PRKCE: variants seen among roughly 807,000 people sequenced by gnomAD.
PRKCE encodes protein kinase C epsilon type.
In PRKCE, 16 loss-of-function variants were observed where a neutral mutation model predicts 85.4. The observed-to-expected ratio is 0.19, with a 90% CI of 0.13 to 0.28. PRKCE has a LOEUF of 0.28. Ranked by LOEUF, PRKCE falls within the 10% of genes least tolerant of loss-of-function variation. The pLI is 1.00. For missense variants in PRKCE, 573 were observed against 975.2 expected (o/e 0.59, Z 5.49); for synonymous variants, 388 against 371.5 (o/e 1.04, Z -0.51).
At chr2:45,681,076 A>G (rs957288315) in intron 1 of PRKCE, among the ~76,000 whole-genome samples, 3 of 151,982 alleles carry the variant, frequency 2.0e-5, no homozygotes, top group Admixed American at 6.5e-5. Context: ...GGATCATGAG[A>G]TAAGGAGTTC....
intron 10 of PRKCE, among the ~76,000 whole-genome samples, chr2:46,072,115 T>C (rs1020281498): frequency 6.6e-6 from 1 of 152,346 alleles, no homozygotes; most frequent in Middle Eastern, 3.4e-3. Flanking sequence ...AATGGAAATA[T>C]GGAGATCAAA....
At chr2:46,067,519 G>A (rs754666019) in intron 10 of PRKCE, among the ~76,000 whole-genome samples, 1 of 152,164 alleles carries the variant, frequency 6.6e-6, no homozygotes, top group Admixed American at 6.5e-5. Context: ...CACATGTTTG[G>A]TGCGTATTCA....
intron 10 of PRKCE, among the ~76,000 whole-genome samples, chr2:46,081,324 C>CT (rs971078439): frequency 6.6e-6 from 1 of 152,148 alleles, no homozygotes; most frequent in African/African-American, 2.4e-5. Context: ...GCCCCCTAAC[C>CT]TTTTTTGTTC....
intron 14 of PRKCE, among the ~76,000 whole-genome samples, chr2:46,177,564 A>T (rs188520261): frequency 6.6e-6 from 1 of 152,084 alleles, no homozygotes; most frequent in African/African-American, 2.4e-5. Context: ...CCCTCTGTGC[A>T]TGTCTGTCTC....
chr2:45,830,684 TAG>T (rs1690351442), intron 1 of PRKCE, among the ~76,000 whole-genome samples: 5 of 151,858 alleles, frequency 3.3e-5, no homozygotes, highest in African/African-American at 1.2e-4. Flanking sequence ...TTTAGAATAC[TAG>T]GATAAAGAAG....
chr2:46,177,507 T>C (rs1040805579), intron 14 of PRKCE, among the ~76,000 whole-genome samples: 28 of 152,182 alleles, frequency 1.8e-4, no homozygotes, highest in African/African-American at 5.6e-4. Flanking sequence ...TTTCACTGGC[T>C]CGTGCCACAC....
chr2:45,983,136 G>T (rs1364506284), intron 5 of PRKCE, among the ~76,000 whole-genome samples: 1 of 152,234 alleles, frequency 6.6e-6, no homozygotes, highest in African/African-American at 2.4e-5. Flanking sequence ...GACCTCAAGT[G>T]GTAGACCATC....
At chr2:45,655,071 C>G (rs1013652833) in intron 1 of PRKCE, among the ~76,000 whole-genome samples, 2 of 152,190 alleles carry the variant, frequency 1.3e-5, no homozygotes, top group South Asian at 4.1e-4. Flanking sequence ...TTGCGGAACA[C>G]CGAATTCTGC....
At chr2:45,986,843 T>G (rs1488594540) in intron 6 of PRKCE, among the ~76,000 whole-genome samples, 1 of 151,988 alleles carries the variant, frequency 6.6e-6, no homozygotes, top group Non-Finnish European at 1.5e-5. Context: ...CTTTCTAGTG[T>G]GTGACCCTGA....
At chr2:45,808,190 T>G (rs895875980) in intron 1 of PRKCE, among the ~76,000 whole-genome samples, 2 of 152,140 alleles carry the variant, frequency 1.3e-5, no homozygotes, top group Non-Finnish European at 2.9e-5. Context: ...AGTGTCTGGT[T>G]GGCAAGCACC....
chr2:45,960,971 C>A (rs2104419363), intron 2 of PRKCE, among the ~76,000 whole-genome samples: 1 of 152,288 alleles, frequency 6.6e-6, no homozygotes, highest in East Asian at 1.9e-4. Flanking sequence ...GGTTGAAAGC[C>A]TGGCACTAAG....
chr2:45,877,216 C>CT (rs1694545181), intron 2 of PRKCE, among the ~76,000 whole-genome samples: 1 of 152,126 alleles, frequency 6.6e-6, no homozygotes. Flanking sequence ...ATCTGTTACT[C>CT]TTTTAAAGAT....
At chr2:45,930,799 G>A (rs1348327151) in intron 2 of PRKCE, among the ~76,000 whole-genome samples, 1 of 152,160 alleles carries the variant, frequency 6.6e-6, no homozygotes, top group Non-Finnish European at 1.5e-5. Context: ...CTAAGAGTTG[G>A]CTTTAGGAAG....
At chr2:45,664,180 G>C (rs1329682694) in intron 1 of PRKCE, among the ~76,000 whole-genome samples, 1 of 152,188 alleles carries the variant, frequency 6.6e-6, no homozygotes, top group Non-Finnish European at 1.5e-5. Flanking sequence ...GATAGGGATG[G>C]AGAATAACTT....
At chr2:45,911,962 T>C (rs570564992) in intron 2 of PRKCE, among the ~76,000 whole-genome samples, 1 of 152,236 alleles carries the variant, frequency 6.6e-6, no homozygotes, top group African/African-American at 2.4e-5. Flanking sequence ...GGTATTTTAT[T>C]GTGTTGTTGT....
chr2:46,095,551 C>G (rs150175700), intron 11 of PRKCE, among the ~76,000 whole-genome samples: 2 of 152,214 alleles, frequency 1.3e-5, no homozygotes, highest in African/African-American at 4.8e-5. Flanking sequence ...ACATCACCCT[C>G]ATCTCCAGAG....
intron 1 of PRKCE, among the ~76,000 whole-genome samples, chr2:45,672,966 G>A (rs1676247571): frequency 6.6e-6 from 1 of 152,192 alleles, no homozygotes; most frequent in Non-Finnish European, 1.5e-5. Context: ...GTTTGAGGCT[G>A]TGGTGAGCTA....
At chr2:46,141,328 A>G (rs1167975031) in intron 11 of PRKCE, among the ~76,000 whole-genome samples, 1 of 152,210 alleles carries the variant, frequency 6.6e-6, no homozygotes, top group Non-Finnish European at 1.5e-5. Context: ...GAGCTTCAAT[A>G]TATTTTAAGT....
chr2:45,990,913 C>G (rs759069954), intron 6 of PRKCE, among the ~76,000 whole-genome samples: 1 of 152,068 alleles, frequency 6.6e-6, no homozygotes, highest in Non-Finnish European at 1.5e-5. Flanking sequence ...CCGTCCTCCT[C>G]AGCCTCCCAA....
Sources: allele counts gnomAD v4.1 joint callset (sites outside exome capture counted in the v4.1 genomes callset), GRCh38; gene constraint gnomAD v4.1.1; transcripts MANE v1.5; gene names NCBI Gene and HGNC (gene_info 2026-07-23, HGNC 2026-07-21).